The following KATNIP variants were observed in gnomAD, a reference collection of about 807,000 sequenced individuals.
KATNIP encodes the protein katanin-interacting protein.
KATNIP carries 126 observed loss-of-function variants against 174.0 expected under a neutral mutation model. That is an observed-to-expected ratio of 0.72 (90% CI 0.63 to 0.84). KATNIP has a LOEUF of 0.84. KATNIP is among the 40% of genes least tolerant of loss of function. KATNIP has a pLI of 0.00. For synonymous variants in KATNIP, 810 were observed against 835.7 expected, an observed-to-expected ratio of 0.97 and a Z score of 0.53; for missense variants, 1,958 against 2,109.7, an observed-to-expected ratio of 0.93 and a Z score of 1.41.
At chr16:27,662,889 T>C (rs2077568614) in intron 6 of KATNIP, among the ~76,000 whole-genome samples, 1 of 152,190 alleles carries the variant, frequency 6.6e-6, no homozygotes, top group Non-Finnish European at 1.5e-5. Context: ...TAGAAGTAAG[T>C]TGAGTATAAT....
chr16:27,681,609 G>T (rs969436007), intron 8 of KATNIP, 79 bp downstream of exon 8: 2 of 1,515,856 alleles, frequency 1.3e-6, no homozygotes, highest in Non-Finnish European at 1.8e-6. Flanking sequence ...ATGGGAGGCC[G>T]CACTTCATTA....
intron 13 of KATNIP, among the ~76,000 whole-genome samples, chr16:27,714,074 C>T (rs537498614): frequency 6.6e-6 from 1 of 151,494 alleles, no homozygotes; most frequent in South Asian, 2.1e-4. Context: ...CTCATTCCTA[C>T]CTCTCCAAAA....
chr16:27,709,161 A>G (rs2079457188), intron 13 of KATNIP: 15 of 429,384 alleles, frequency 3.5e-5, no homozygotes, highest in Middle Eastern at 6.2e-4. Context: ...TCTACAAAAA[A>G]CACAAAAAAT....
chr16:27,739,719 A>T (rs1184033230), intron 14 of KATNIP, among the ~76,000 whole-genome samples: 2 of 152,236 alleles, frequency 1.3e-5, no homozygotes, highest in African/African-American at 2.4e-5. Flanking sequence ...GGCAATGTGA[A>T]GTCCAAGTTA....
At chr16:27,661,911 AATATATATATATATAT>A (rs55805859) in intron 6 of KATNIP, among the ~76,000 whole-genome samples, 233 of 9,886 alleles carry the variant, frequency 0.024, 16 homozygotes, top group Non-Finnish European at 0.034. Context: ...GTGCCTGGCT[AATATATATATATATAT>A]ATATATATAT....
intron 19 of KATNIP, 58 bp downstream of exon 19, chr16:27,761,648 T>A: frequency 7.0e-7 from 1 of 1,435,654 alleles, no homozygotes; most frequent in Non-Finnish European, 9.8e-7. Context: ...GACATTGTTC[T>A]GCCTCTGAGA....
chr16:27,588,823 G>T (rs545850180), intron 2 of KATNIP, among the ~76,000 whole-genome samples: 72 of 148,836 alleles, frequency 4.8e-4, no homozygotes, highest in Non-Finnish European at 8.6e-4. Flanking sequence ...AATAACTGCT[G>T]TTATACATTG....
At chr16:27,628,401 T>C (rs1024584698) in intron 3 of KATNIP, among the ~76,000 whole-genome samples, 1 of 152,252 alleles carries the variant, frequency 6.6e-6, no homozygotes, top group Non-Finnish European at 1.5e-5. Context: ...GTGTTCTTTT[T>C]CGCTAATGTG....
At chr16:27,772,610 C>A (rs1438633103) in intron 22 of KATNIP, among the ~76,000 whole-genome samples, 1 of 152,224 alleles carries the variant, frequency 6.6e-6, no homozygotes, top group Non-Finnish European at 1.5e-5. Context: ...GTTTATGTGT[C>A]CCCTTCTTAG....
intron 15 of KATNIP, among the ~76,000 whole-genome samples, chr16:27,746,667 G>A (rs2081306482): frequency 6.6e-6 from 1 of 152,262 alleles, no homozygotes; most frequent in Non-Finnish European, 1.5e-5. Context: ...GACAAGCAAA[G>A]CCAGCTAGGT....
chr16:27,697,693 T>G (rs1351513138), intron 8 of KATNIP, among the ~76,000 whole-genome samples: 2 of 152,062 alleles, frequency 1.3e-5, no homozygotes, highest in Non-Finnish European at 2.9e-5. Flanking sequence ...TTAAATTATA[T>G]AACTGCAGAT....
intron 3 of KATNIP, among the ~76,000 whole-genome samples, chr16:27,623,399 C>T (rs539297943): frequency 1.1e-4 from 17 of 152,316 alleles, no homozygotes; most frequent in African/African-American, 4.1e-4. Context: ...GCCCCCTACC[C>T]AACCCAGTAT....
At chr16:27,768,136 C>A (rs2082183606) in intron 20 of KATNIP, among the ~76,000 whole-genome samples, 2 of 152,170 alleles carry the variant, frequency 1.3e-5, no homozygotes, top group African/African-American at 4.8e-5. Context: ...ACCCCCACTG[C>A]AGTGAAATGG....
intron 15 of KATNIP, among the ~76,000 whole-genome samples, chr16:27,746,620 A>G (rs943948879): frequency 6.6e-6 from 1 of 152,204 alleles, no homozygotes; most frequent in African/African-American, 2.4e-5. Flanking sequence ...AGGAGCGAGG[A>G]TAAAGTGGCA....
chr16:27,689,418 A>G (rs910419509), intron 8 of KATNIP, among the ~76,000 whole-genome samples: 1 of 152,160 alleles, frequency 6.6e-6, no homozygotes, highest in Non-Finnish European at 1.5e-5. Flanking sequence ...CTAAAAAAAA[A>G]AAAAAGTCAA....
intron 1 of KATNIP, among the ~76,000 whole-genome samples, chr16:27,564,972 C>T: frequency 6.6e-6 from 1 of 151,462 alleles, no homozygotes; most frequent in African/African-American, 2.4e-5. Flanking sequence ...ACCATGTTAG[C>T]CAAGCTGGTC....
chr16:27,589,194 C>T (rs529656663), intron 2 of KATNIP, among the ~76,000 whole-genome samples: 1 of 152,104 alleles, frequency 6.6e-6, no homozygotes, highest in South Asian at 2.1e-4. Flanking sequence ...GCATGAGCCA[C>T]TGTGCCCAGC....
rs180781951 is a variant in KATNIP at position 27,777,465 on chromosome 16, A to G, written c.4552-145A>G. 126 of 691,304 alleles carry G rather than the reference A, an allele frequency of 1.8e-4. No individual in the cohort carries two copies. In the Admixed American group the frequency reaches 3.4e-3, roughly 18 times the overall value. The allele number at this position is 691,304 out of a possible 1,614,324, so 42.8% of individuals were successfully genotyped here. On this transcript the variant is annotated intron_variant, in intron 25 of 27. Coordinates refer to ENST00000261588, the MANE Select transcript of KATNIP (RefSeq NM_015202.5). This position sits in a 1 kb window ranked among gnomAD's most constrained non-coding sequence, Gnocchi z 4.4. ...TTGTGAAGATCTGAAATCACAAGGC[A>G]GACACAGCACACAGTAGGCGCTTGT...
At chr16:27,766,527 T>A in intron 20 of KATNIP, 53 bp downstream of exon 20, 1 of 1,549,082 alleles carries the variant, frequency 6.5e-7, no homozygotes, top group East Asian at 2.3e-5. Context: ...AAGCAGCACC[T>A]TGATGAATGG....
Sources: allele counts gnomAD v4.1 joint callset (sites outside exome capture counted in the v4.1 genomes callset), GRCh38; gene constraint gnomAD v4.1.1; non-coding constraint Gnocchi (gnomAD v3.1); transcripts MANE v1.5; gene names NCBI Gene and HGNC (gene_info 2026-07-23, HGNC 2026-07-21).